Variants in MDFIC observed in about 807,000 individuals in gnomAD.
MDFIC encodes the protein MyoD family inhibitor domain containing.
MDFIC carries 17 observed loss-of-function variants against 23.2 expected under a neutral mutation model. The ratio of observed to expected loss-of-function variants is 0.73; its 90% CI spans 0.50 to 1.10. The LOEUF is 1.10. MDFIC is among the 50% of genes least tolerant of loss of function. MDFIC has a pLI of 0.00. For synonymous variants in MDFIC, 120 were observed against 115.2 expected, an observed-to-expected ratio of 1.04 and a Z score of -0.27; for missense variants, 356 against 316.6, an observed-to-expected ratio of 1.12 and a Z score of -0.95.
chr7:115,014,602 T>C, intron 4 of MDFIC: 1 of 1,095,838 alleles, frequency 9.1e-7, no homozygotes, highest in Non-Finnish European at 1.2e-6. Flanking sequence ...AAAACTTACA[T>C]TATACAAAGT....
intron 3 of MDFIC, among the ~76,000 whole-genome samples, chr7:114,969,189 C>T (rs1262728540): frequency 1.3e-5 from 2 of 152,172 alleles, no homozygotes; most frequent in African/African-American, 4.8e-5. Flanking sequence ...TGAATCCTTG[C>T]TACACTTCCG....
At chr7:114,925,742 G>A (rs993072901) in intron 2 of MDFIC, among the ~76,000 whole-genome samples, 1 of 152,104 alleles carries the variant, frequency 6.6e-6, no homozygotes, top group Non-Finnish European at 1.5e-5. Flanking sequence ...TATTTCAAGT[G>A]ATACTGGAAA....
intron 4 of MDFIC, among the ~76,000 whole-genome samples, chr7:115,003,292 AC>A (rs1562827690): frequency 6.6e-6 from 1 of 151,320 alleles, no homozygotes; most frequent in Non-Finnish European, 1.5e-5. Flanking sequence ...GCCACCTTTC[AC>A]CCCCCAGCCC....
In MDFIC at chr7:114,963,646, G is replaced by A. The variant is rs1473153515; in HGVS notation, c.218-15860G>A. ...GCTGGAGTGCAGTGGCACAATCATA[G>A]CTCACTGCAGCCTCAACCTCCTGGG... is the stretch of plus-strand genomic sequence containing the variant. On this transcript the variant is annotated intron_variant, in intron 3 of 4. Transcript: ENST00000393486. 2.6e-5 allele frequency among the ~76,000 whole-genome samples: 4 copies of A among 152,314 alleles called. No individual in the cohort carries two copies. In the East Asian group the frequency reaches 7.7e-4, roughly 29 times the overall value.
intron 2 of MDFIC, among the ~76,000 whole-genome samples, chr7:114,938,679 T>G (rs1022626958): frequency 2.6e-5 from 4 of 152,178 alleles, no homozygotes; most frequent in African/African-American, 9.7e-5. Flanking sequence ...AAATTGCTAC[T>G]TTGGGTTGGG....
At chr7:114,980,974 A>G (rs1793407566) in intron 4 of MDFIC, among the ~76,000 whole-genome samples, 1 of 152,224 alleles carries the variant, frequency 6.6e-6, no homozygotes, top group Non-Finnish European at 1.5e-5. Context: ...CAGGTCAGTG[A>G]CACTACTTTC....
chr7:114,930,023 C>T (rs1792279995), intron 2 of MDFIC, among the ~76,000 whole-genome samples: 1 of 152,076 alleles, frequency 6.6e-6, no homozygotes, highest in Non-Finnish European at 1.5e-5. Flanking sequence ...TAAATGGTAA[C>T]ATTTTCTGAG....
At position 115,019,035 on chromosome 7, in the gene MDFIC, A is replaced by G. The variant is rs1336053647; in HGVS notation, c.*3100A>G. The G allele has an allele frequency of 6.6e-6, 1 of 151,828 alleles. No homozygotes were observed. The highest frequency in any genetic ancestry group is 1.5e-5 in the Non-Finnish European group (1 of 67,856). 9.4% of individuals were successfully genotyped at this position (151,828 alleles called of 1,614,324 possible). ...TTTTTTTTTTTTACATCGTTTTAGT[A>G]AGTTAATTTCATTTATTTACTTTGG... On this transcript the variant is annotated 3_prime_UTR_variant, in exon 5 of 5. Transcript: ENST00000393486.
chr7:114,963,576 T>C (rs1232485433), intron 3 of MDFIC, among the ~76,000 whole-genome samples: 3 of 152,180 alleles, frequency 2.0e-5, no homozygotes, highest in Non-Finnish European at 2.9e-5. Flanking sequence ...TGTGCATCTA[T>C]TATTTGTTTG....
Position 114,922,726 on chromosome 7 carries a change from C to T in MDFIC, c.-108+90C>T, listed in dbSNP as rs377453259. The T allele has an allele frequency of 5.6e-5, 76 of 1,351,536 alleles. No individual in the cohort carries two copies. In the East Asian group the frequency reaches 1.1e-3, roughly 20 times the overall value. The allele number at this position is 1,351,536 out of a possible 1,614,324, so 83.7% of individuals were successfully genotyped here. On this transcript the variant is annotated intron_variant, in intron 1 of 4. Coordinates refer to ENST00000393486, the MANE Select transcript of MDFIC (RefSeq NM_001166345.3). ...ACCCGATCTCTCTTTCCAGCCCCTCCCCGCTGGGTCCACCTCGGACCCCTG... is the reference window on the plus strand; with the variant it reads ...ACCCGATCTCTCTTTCCAGCCCCTCTCCGCTGGGTCCACCTCGGACCCCTG...
At chr7:114,996,684 GA>G (rs2116057562) in intron 4 of MDFIC, among the ~76,000 whole-genome samples, 2 of 152,240 alleles carry the variant, frequency 1.3e-5, no homozygotes, top group South Asian at 4.2e-4. Flanking sequence ...GATATTTGGA[GA>G]AAGATCTTTA....
At chr7:114,963,592 G>A (rs559228819) in intron 3 of MDFIC, among the ~76,000 whole-genome samples, 1 of 152,172 alleles carries the variant, frequency 6.6e-6, no homozygotes, top group East Asian at 1.9e-4. Flanking sequence ...GTTTGTTTTT[G>A]AGGCAAGATG....
intron 2 of MDFIC, among the ~76,000 whole-genome samples, chr7:114,923,941 C>A (rs1792140898): frequency 6.6e-6 from 1 of 152,092 alleles, no homozygotes; most frequent in Non-Finnish European, 1.5e-5. Context: ...TAGCATATAC[C>A]CCTGATTTTA....
intron 4 of MDFIC, among the ~76,000 whole-genome samples, chr7:115,007,235 A>G (rs935739149): frequency 6.6e-6 from 1 of 152,198 alleles, no homozygotes; most frequent in Non-Finnish European, 1.5e-5. Flanking sequence ...TGGTTTTCCT[A>G]GAATAAATAT....
intron 2 of MDFIC, among the ~76,000 whole-genome samples, chr7:114,929,458 A>G (rs1168698729): frequency 6.6e-6 from 1 of 152,198 alleles, no homozygotes; most frequent in African/African-American, 2.4e-5. Flanking sequence ...GACCTGCTAT[A>G]GATATGGTGT....
intron 3 of MDFIC, among the ~76,000 whole-genome samples, chr7:114,948,266 T>C (rs1196959505): frequency 6.6e-6 from 1 of 152,216 alleles, no homozygotes; most frequent in Non-Finnish European, 1.5e-5. Context: ...GGTTTATTCA[T>C]GTCAAGTTTG....
At position 114,951,099 on chromosome 7, in the gene MDFIC, T is replaced by C. The variant is rs549556655; in HGVS notation, c.217+8702T>C. Among the ~76,000 whole-genome samples, 11 of 152,256 alleles carry C rather than the reference T, an allele frequency of 7.2e-5. No homozygotes were observed. In the South Asian group the frequency reaches 2.1e-3, roughly 29 times the overall value. Reference sequence around the variant, plus strand: ...TACTTGGGAGGCTGAGGTGGGAAGATAGCTTGAGCCTAGGAGGTTGGGACT... The same window carrying C: ...TACTTGGGAGGCTGAGGTGGGAAGACAGCTTGAGCCTAGGAGGTTGGGACT... On this transcript the variant is annotated intron_variant, in intron 3 of 4. Coordinates refer to ENST00000393486, the MANE Select transcript of MDFIC (RefSeq NM_001166345.3).
At chr7:114,975,664 C>T (rs1793295643) in intron 3 of MDFIC, among the ~76,000 whole-genome samples, 1 of 151,578 alleles carries the variant, frequency 6.6e-6, no homozygotes, top group Admixed American at 6.6e-5. Context: ...TTTTGTTCTT[C>T]ATTTGAAAAT....
intron 4 of MDFIC, among the ~76,000 whole-genome samples, chr7:115,005,277 A>C (rs1791547614): frequency 6.6e-6 from 1 of 152,222 alleles, no homozygotes; most frequent in Admixed American, 6.5e-5. Flanking sequence ...ATCCTTATAC[A>C]TACACTAATA....
Sources: gnomAD v4.1 joint callset for allele counts (sites outside exome capture counted in the v4.1 genomes callset) on GRCh38, gnomAD v4.1.1 for gene constraint, MANE v1.5 for transcripts, NCBI Gene and HGNC (gene_info 2026-07-23, HGNC 2026-07-21) for gene names.